Variants in YAF2 observed in about 807,000 individuals in gnomAD.
YAF2 encodes the protein YY1 associated factor 2.
YAF2 carries 7 observed loss-of-function variants against 20.1 expected under a neutral mutation model. That is an observed-to-expected ratio of 0.35 (90% CI 0.20 to 0.65). The LOEUF is 0.65. Ranked by LOEUF, YAF2 falls within the 30% of genes least tolerant of loss-of-function variation. YAF2 has a pLI of 0.69. For missense variants in YAF2, 151 were observed against 219.2 expected (o/e 0.69, Z 1.96); for synonymous variants, 74 against 76.0 (o/e 0.97, Z 0.14).
Position 42,237,650 on chromosome 12 carries a change from G to C in YAF2, c.101C>G (p.Ala34Gly). ...GCACATCATGCACTTGAAGGCCTCG[G>C]CGCTGTTCCGGAAGGTGCAGACGCT... ...DCSVCTFRNSAEAFKCMMCDV... is the reference protein window; with the variant it reads ...DCSVCTFRNSGEAFKCMMCDV... Residue 34 changes from alanine (A) to glycine (G), a missense_variant, in exon 2 of 4, where the codon GCC becomes GGC. Physicochemically the swap from Ala to Gly is moderately conservative, Grantham distance 60. Coordinates refer to ENST00000534854, the MANE Select transcript of YAF2 (RefSeq NM_005748.6). 4 of 1,581,286 alleles carry C rather than the reference G, an allele frequency of 2.5e-6. No homozygotes were observed. Among genetic ancestry groups the C allele is most frequent in the Non-Finnish European group, 3.4e-6 (4 of 1,165,134 alleles).
chr12:42,230,508 A>C (rs1412234677), intron 2 of YAF2, among the ~76,000 whole-genome samples: 1 of 152,162 alleles, frequency 6.6e-6, no homozygotes, highest in Admixed American at 6.5e-5. Context: ...GGACCAACAT[A>C]ATCACATAGG....
At chr12:42,205,498 C>T (rs1277987416) in intron 2 of YAF2, among the ~76,000 whole-genome samples, 1 of 152,032 alleles carries the variant, frequency 6.6e-6, no homozygotes, top group East Asian at 1.9e-4. Context: ...CCTCAGCCTC[C>T]TGAGTAGCTG....
rs567635174 is a variant in YAF2, at chr12:42,200,805, T to C, written c.152+36794A>G. On this transcript the variant is annotated intron_variant, in intron 2 of 3. Transcript: ENST00000534854. The stretch of plus-strand genomic sequence containing the variant: ...TCATACACATCAAAAGGTAGCATGG[T>C]ATAGTGGACTCTGAAGCCAGACAAC... 2.4e-4 allele frequency among the ~76,000 whole-genome samples: 37 copies of C among 152,310 alleles called. No homozygotes were observed. The South Asian group carries it at 7.3e-3, about 30-fold the overall frequency.
chr12:42,234,425 G>A (rs2068080973), intron 2 of YAF2: 2 of 983,578 alleles, frequency 2.0e-6, no homozygotes, highest in South Asian at 9.4e-5. Context: ...CACCATTTGG[G>A]TAATGGGTAC....
chr12:42,171,673 G>C (rs2066052648), intron 2 of YAF2, among the ~76,000 whole-genome samples: 1 of 152,102 alleles, frequency 6.6e-6, no homozygotes, highest in Non-Finnish European at 1.5e-5. Context: ...CTCATATCTG[G>C]CTGGGCGTGG....
intron 2 of YAF2, among the ~76,000 whole-genome samples, chr12:42,180,261 T>A (rs2066309512): frequency 1.3e-5 from 2 of 152,186 alleles, no homozygotes; most frequent in South Asian, 4.1e-4. Context: ...TAAAACACTC[T>A]AGCTTCTACC....
chr12:42,178,576 A>G (rs1199465342), intron 2 of YAF2, among the ~76,000 whole-genome samples: 1 of 152,202 alleles, frequency 6.6e-6, no homozygotes, highest in African/African-American at 2.4e-5. Context: ...AAATACATAT[A>G]TAACTATATC....
At chr12:42,172,490 A>T (rs184806297) in intron 2 of YAF2, among the ~76,000 whole-genome samples, 1 of 152,302 alleles carries the variant, frequency 6.6e-6, no homozygotes, top group African/African-American at 2.4e-5. Flanking sequence ...TATATAAGCC[A>T]ACATGAGACC....
chr12:42,193,117 C>A (rs1284354056), intron 2 of YAF2, among the ~76,000 whole-genome samples: 1 of 152,058 alleles, frequency 6.6e-6, no homozygotes, highest in Non-Finnish European at 1.5e-5. Flanking sequence ...GAGTTTGAGA[C>A]CAGCCTGGCC....
In YAF2 at chr12:42,202,471, T is replaced by C. The variant is rs773517297; in HGVS notation, c.152+35128A>G. ...CAATTCTCATCTCTATCACTATAGATTATTTCTACTTGTTTTTGAGCTTGC... is the reference window on the plus strand; with the variant it reads ...CAATTCTCATCTCTATCACTATAGACTATTTCTACTTGTTTTTGAGCTTGC... On this transcript the variant is annotated intron_variant, in intron 2 of 3. Transcript: ENST00000534854. Among the ~76,000 whole-genome samples, 120 of 152,180 alleles carry C rather than the reference T, an allele frequency of 7.9e-4. 1 individual carries two copies. The highest frequency in any genetic ancestry group is 1.4e-3 in the Non-Finnish European group (96 of 68,038).
chr12:42,234,721 C>G, intron 2 of YAF2: 21 of 984,338 alleles, frequency 2.1e-5, no homozygotes, highest in Non-Finnish European at 2.4e-5. Context: ...CGAATGGTGG[C>G]TCATTCCTAT....
Position 42,160,693 on chromosome 12 carries a change from G to C in YAF2, c.439C>G (p.Gln147Glu). The C allele has an allele frequency of 6.2e-7, 1 of 1,613,780 alleles. No homozygotes were observed. The highest frequency in any genetic ancestry group is 2.2e-5 in the East Asian group (1 of 44,864). ...GAGCTAGAGCCGCTTTGACTGTGTT[G>C]ATCTGCAGAAGCAGCACTAGATGCA... ...PPASSAASAD[Q>E]HSQSGSSSDN... The change falls in exon 4 of 4, where the codon CAA (glutamine) becomes GAA (glutamate). Residue 147 changes from glutamine (Q) to glutamate (E), a missense_variant. Around this residue, in one of 3 missense-constraint regions of YAF2, gnomAD observed 51 missense variants for 48.9 expected, o/e 1.04. Transcript: ENST00000534854.
intron 2 of YAF2, among the ~76,000 whole-genome samples, chr12:42,182,185 T>A (rs150615285): frequency 9.2e-5 from 14 of 152,246 alleles, no homozygotes; most frequent in African/African-American, 3.4e-4. Flanking sequence ...AAAAACATTA[T>A]AAAGAAGGTT....
intron 2 of YAF2, among the ~76,000 whole-genome samples, chr12:42,164,262 A>G (rs796956610): frequency 1.3e-5 from 2 of 152,240 alleles, no homozygotes; most frequent in South Asian, 4.1e-4. Context: ...AATAGAAGGT[A>G]TAAGTTTTGC....
In YAF2 at chr12:42,213,785, G is replaced by A. The variant is rs1202863747; in HGVS notation, c.152+23814C>T. Among the ~76,000 whole-genome samples the A allele has an allele frequency of 2.0e-5, 3 of 152,104 alleles. No individual in the cohort carries two copies. The East Asian group carries it at 5.8e-4, about 29-fold the overall frequency. ...AAGTCTTCAGTGTGTGTATATTAATGACCTTTTTATGGAAACATACATCAA... is the reference window on the plus strand; with the variant it reads ...AAGTCTTCAGTGTGTGTATATTAATAACCTTTTTATGGAAACATACATCAA... On this transcript the variant is annotated intron_variant, in intron 2 of 3. Transcript: ENST00000534854.
At chr12:42,188,285 A>C (rs971537117) in intron 2 of YAF2, among the ~76,000 whole-genome samples, 1 of 151,944 alleles carries the variant, frequency 6.6e-6, no homozygotes, top group Non-Finnish European at 1.5e-5. Flanking sequence ...GTATTCAAAA[A>C]TATTTTAGTC....
At chr12:42,204,815 C>T (rs1763834162) in intron 2 of YAF2, among the ~76,000 whole-genome samples, 1 of 152,110 alleles carries the variant, frequency 6.6e-6, no homozygotes. Context: ...AGAAATCAAT[C>T]CCTCCCAAAA....
At chr12:42,236,367 T>G (rs1260276344) in intron 2 of YAF2, among the ~76,000 whole-genome samples, 1 of 152,236 alleles carries the variant, frequency 6.6e-6, no homozygotes, top group Non-Finnish European at 1.5e-5. Flanking sequence ...TCCCTTAAAT[T>G]TAGCATACGT....
rs978357876 is a variant in YAF2, at chr12:42,158,382, T to A, written c.*2207A>T. On this transcript the variant is annotated 3_prime_UTR_variant, in exon 4 of 4. Coordinates refer to ENST00000534854, the MANE Select transcript of YAF2 (RefSeq NM_005748.6). The stretch of plus-strand genomic sequence containing the variant: ...TCCAAGAGGGCAGGAAAATAACTGT[T>A]ACAAAAAATATTTTTGTATTTTTGT... 2 of 152,154 alleles carry A rather than the reference T, an allele frequency of 1.3e-5. No homozygotes were observed. The highest frequency in any genetic ancestry group is 2.9e-5 in the Non-Finnish European group (2 of 68,014). 9.4% of individuals were successfully genotyped at this position (152,154 alleles called of 1,614,324 possible).
Sources: gnomAD v4.1 joint callset for allele counts (sites outside exome capture counted in the v4.1 genomes callset) on GRCh38, gnomAD v4.1.1 for gene constraint, gnomAD v4.1.1 regional missense constraint, MANE v1.5 for transcripts, NCBI Gene and HGNC (gene_info 2026-07-23, HGNC 2026-07-21) for gene names.